RFX7: variants seen among roughly 807,000 people sequenced by gnomAD.
The protein encoded by RFX7 is regulatory factor X7, also known as DNA-binding protein RFX7.
A neutral mutation model predicts 111.8 loss-of-function variants in RFX7; 26 were observed. The ratio of observed to expected loss-of-function variants is 0.23; its 90% CI spans 0.17 to 0.32. RFX7 has a LOEUF of 0.32. Among genes scored for constraint, RFX7 ranks in the 10% least tolerant of loss-of-function variants. The pLI is 1.00. For missense variants in RFX7, 1,573 were observed against 1,772.9 expected (o/e 0.89, Z 2.02); for synonymous variants, 624 against 624.4 (o/e 1.00, Z 0.01).
At chr15:56,134,596 CTTTT>C (rs71706654) in intron 5 of RFX7, among the ~76,000 whole-genome samples, 2 of 132,690 alleles carry the variant, frequency 1.5e-5, no homozygotes, top group East Asian at 2.2e-4. Flanking sequence ...AAATCACTTT[CTTTT>C]TTTTTTTTTT....
chr15:56,135,931 T>C (rs28895323), intron 5 of RFX7, among the ~76,000 whole-genome samples: 9,973 of 152,210 alleles, frequency 0.066, 449 homozygotes, highest in Admixed American at 0.1. Flanking sequence ...GTTGTAGATA[T>C]GCGGCATTAT....
chr15:56,221,444 AAATAT>A (rs1274358380), intron 2 of RFX7, among the ~76,000 whole-genome samples: 9 of 152,174 alleles, frequency 5.9e-5, no homozygotes, highest in African/African-American at 2.2e-4. Context: ...CTTTATATTT[AAATAT>A]AATATACACT....
intron 2 of RFX7, among the ~76,000 whole-genome samples, chr15:56,212,571 T>C (rs2043323692): frequency 6.6e-6 from 1 of 152,150 alleles, no homozygotes. Context: ...ATGTAGGATG[T>C]TGATAATGGG....
At chr15:56,215,633 T>C (rs1401728807) in intron 2 of RFX7, among the ~76,000 whole-genome samples, 1 of 152,172 alleles carries the variant, frequency 6.6e-6, no homozygotes, top group Admixed American at 6.5e-5. Context: ...TGTTTATGAG[T>C]GGGATAGTAA....
At position 56,089,115 on chromosome 15, in the gene RFX7, G is replaced by C. The variant is rs764727814; in HGVS notation, c.*4230C>G. Reference sequence around the variant, plus strand: ...ATGGGCCCCCCCTCCTACCTATAAAGCATTAATTAAGGATCTAAGCTAAGT... The same window carrying C: ...ATGGGCCCCCCCTCCTACCTATAAACCATTAATTAAGGATCTAAGCTAAGT... On this transcript the variant is annotated 3_prime_UTR_variant, in exon 10 of 10. Coordinates refer to ENST00000559447, the MANE Select transcript of RFX7 (RefSeq NM_022841.7). The C allele has an allele frequency of 1.3e-5, 2 of 152,140 alleles. No individual in the cohort carries two copies. The highest frequency in any genetic ancestry group is 2.9e-5 in the Non-Finnish European group (2 of 68,048). 9.4% of individuals were successfully genotyped at this position (152,140 alleles called of 1,614,324 possible).
intron 5 of RFX7, among the ~76,000 whole-genome samples, chr15:56,125,750 A>G (rs528120934): frequency 3.1e-4 from 47 of 152,252 alleles, no homozygotes; most frequent in African/African-American, 1.1e-3. Context: ...CCATTTTACA[A>G]AAGGATAGTA....
intron 5 of RFX7, among the ~76,000 whole-genome samples, chr15:56,127,513 A>G (rs1288503438): frequency 1.3e-5 from 2 of 149,110 alleles, no homozygotes; most frequent in Admixed American, 6.8e-5. Flanking sequence ...AAAACATTAG[A>G]AAAAAAAGTA....
chr15:56,094,882 G>GTGGGTT lies in RFX7; in HGVS notation c.2845_2846insAACCCA (p.Pro948_Thr949insLysPro). The GTGGGTT allele has an allele frequency of 9.6e-6, 15 of 1,558,898 alleles. No homozygotes were observed. The highest frequency in any genetic ancestry group is 1.3e-5 in the Non-Finnish European group (15 of 1,151,814). On this transcript the variant is annotated inframe_insertion, in exon 10 of 10. Transcript: ENST00000559447. ...AGTAGGAGTGGGTGTGGGTGTGGGT[G>GTGGGTT]TGGGTGTGTGGATTGGAGTGCCATT...
At chr15:56,196,113 T>C (rs1391519673) in intron 2 of RFX7, among the ~76,000 whole-genome samples, 1 of 152,208 alleles carries the variant, frequency 6.6e-6, no homozygotes, top group Non-Finnish European at 1.5e-5. Flanking sequence ...TTCATTCATA[T>C]ATTTTCTTTG....
intron 2 of RFX7, among the ~76,000 whole-genome samples, chr15:56,216,370 T>C (rs2043362880): frequency 6.6e-6 from 1 of 152,234 alleles, no homozygotes; most frequent in Admixed American, 6.5e-5. Context: ...ATTTAAAGTA[T>C]TCTTAGAATG....
At chr15:56,156,203 A>C (rs1414332598) in intron 3 of RFX7, among the ~76,000 whole-genome samples, 1 of 152,152 alleles carries the variant, frequency 6.6e-6, no homozygotes, top group Non-Finnish European at 1.5e-5. Context: ...TGGTTTGTCC[A>C]AACTAAATCC....
chr15:56,118,500 C>T (rs1443154140), intron 5 of RFX7, among the ~76,000 whole-genome samples: 1 of 152,172 alleles, frequency 6.6e-6, no homozygotes, highest in Non-Finnish European at 1.5e-5. Context: ...CAGTTCCATC[C>T]ATGTGATTGC....
chr15:56,244,820 C>G (rs972937951), upstream of RFX7, among the ~76,000 whole-genome samples: 10 of 147,698 alleles, frequency 6.8e-5, no homozygotes, highest in African/African-American at 2.5e-4. Flanking sequence ...CCGCACCATT[C>G]CCCCCCTTCC....
At chr15:56,161,432 T>C (rs1595978439) in intron 3 of RFX7, among the ~76,000 whole-genome samples, 3 of 152,184 alleles carry the variant, frequency 2.0e-5, no homozygotes, top group African/African-American at 7.2e-5. Context: ...TATTGAGAAG[T>C]TTCTGCACAT....
At chr15:56,196,092 A>C (rs1303259955) in intron 2 of RFX7, among the ~76,000 whole-genome samples, 1 of 152,204 alleles carries the variant, frequency 6.6e-6, no homozygotes, top group Admixed American at 6.5e-5. Context: ...AACTTCTATT[A>C]ATAACATTAT....
intron 2 of RFX7, among the ~76,000 whole-genome samples, chr15:56,221,632 CTTT>C (rs2043427700): frequency 6.6e-6 from 1 of 151,914 alleles, no homozygotes; most frequent in Non-Finnish European, 1.5e-5. Flanking sequence ...TTCCTGTCTT[CTTT>C]ATTATTCATC....
intron 3 of RFX7, among the ~76,000 whole-genome samples, chr15:56,157,462 T>C (rs2141072704): frequency 6.6e-6 from 1 of 152,370 alleles, no homozygotes; most frequent in South Asian, 2.1e-4. Flanking sequence ...TCTCTACTGA[T>C]TTTTTGTGCT....
intron 5 of RFX7, among the ~76,000 whole-genome samples, chr15:56,115,961 T>A (rs1372748654): frequency 6.6e-6 from 1 of 151,756 alleles, no homozygotes; most frequent in Admixed American, 6.6e-5. Flanking sequence ...AAAAAAAAAT[T>A]TAACTGCATA....
At chr15:56,224,467 T>TTGTGTGTGTGTGTGTGTG (rs58795247) in intron 2 of RFX7, among the ~76,000 whole-genome samples, 3,225 of 147,236 alleles carry the variant, frequency 0.022, 79 homozygotes, top group East Asian at 0.12. Flanking sequence ...GATTAGGATT[T>TTGTGTGTGTGTGTGTGTG]TGTGTGTGTG....
Sources: allele counts gnomAD v4.1 joint callset (sites outside exome capture counted in the v4.1 genomes callset), GRCh38; gene constraint gnomAD v4.1.1; transcripts MANE v1.5; gene names NCBI Gene and HGNC (gene_info 2026-07-23, HGNC 2026-07-21).